Variants in SPATA6L observed in about 807,000 individuals in gnomAD.
SPATA6L encodes spermatogenesis associated 6-like protein.
A neutral mutation model predicts 49.2 loss-of-function variants in SPATA6L; 68 were observed. The observed-to-expected ratio is 1.38, with a 90% CI of 1.14 to 1.69. SPATA6L has a LOEUF of 1.69. SPATA6L is among the 40% of genes most tolerant of loss of function. The pLI, the probability that SPATA6L is intolerant of heterozygous loss-of-function variation, is 0.00. For missense variants in SPATA6L, 668 were observed against 464.3 expected, an observed-to-expected ratio of 1.44 and a Z score of -4.03; for synonymous variants, 198 against 165.7, an observed-to-expected ratio of 1.19 and a Z score of -1.50.
intron 3 of SPATA6L, among the ~76,000 whole-genome samples, chr9:4,647,940 T>C (rs547170012): frequency 4.6e-5 from 7 of 152,076 alleles, no homozygotes; most frequent in Non-Finnish European, 1.5e-5. Context: ...GTTCAAGCGA[T>C]TCTCCTGCCT....
At position 4,663,252 on chromosome 9, in the gene SPATA6L, A is replaced by C. The variant is rs72695803; in HGVS notation, c.40-1216T>G. 1.1e-3 allele frequency: 1,784 copies of C among 1,612,976 alleles called. 2 individuals carry two copies. The highest frequency in any genetic ancestry group is 3.0e-3 in the Middle Eastern group (18 of 6,058). On this transcript the variant is annotated intron_variant, in intron 1 of 11. Transcript: ENST00000682582. ...TGCTCCGGTCCTCTTTTTACTGTGG[A>C]GTCAACGATGACACCATCTCATTGA...
In SPATA6L at chr9:4,599,679, G is replaced by A. The variant is rs903720968; in HGVS notation, c.*1132C>T. Among the ~76,000 whole-genome samples the A allele has an allele frequency of 2.6e-5, 4 of 152,164 alleles. No individual in the cohort carries two copies. Among genetic ancestry groups the A allele is most frequent in the African/African-American group, 7.2e-5 (3 of 41,440 alleles). On this transcript the variant is annotated 3_prime_UTR_variant, in exon 12 of 12. Coordinates refer to ENST00000682582, the MANE Select transcript of SPATA6L (RefSeq NM_001353486.2). ...GATGGCGCCTTCTCGCTGTCTCCTC[G>A]CCAGTGGAAGGGGCAAACGAGCTCC...
At position 4,627,741 on chromosome 9, in the gene SPATA6L, C is replaced by T. The variant is rs1474697120; in HGVS notation, c.429+1350G>A. The T allele has an allele frequency of 3.6e-5, 46 of 1,289,168 alleles. No individual in the cohort carries two copies. In the East Asian group the frequency reaches 3.9e-4, roughly 11 times the overall value. The allele number at this position is 1,289,168 out of a possible 1,614,324, so 79.9% of individuals were successfully genotyped here. ...TAGTACACATGGATGCCCTAAGACG[C>T]TTCACGCTTACCAAAGACGGACCAT... is the stretch of plus-strand genomic sequence containing the variant. On this transcript the variant is annotated intron_variant, in intron 5 of 11. Transcript: ENST00000682582.
intron 1 of SPATA6L, chr9:4,663,293 G>A (rs780020557): frequency 6.3e-7 from 1 of 1,594,094 alleles, no homozygotes; most frequent in South Asian, 1.1e-5. Context: ...GCACCAGGAA[G>A]TCTGAAGGTT....
chr9:4,605,130 C>T (rs889133061), intron 10 of SPATA6L, among the ~76,000 whole-genome samples: 2 of 152,126 alleles, frequency 1.3e-5, no homozygotes, highest in African/African-American at 4.8e-5. Context: ...CCAAGCCCCA[C>T]TGTCTCATCC....
intron 4 of SPATA6L, among the ~76,000 whole-genome samples, chr9:4,629,848 A>G (rs1023205743): frequency 1.4e-5 from 2 of 147,296 alleles, no homozygotes; most frequent in African/African-American, 5.0e-5. Context: ...TACAATTATT[A>G]CAATCATCCT....
intron 4 of SPATA6L, among the ~76,000 whole-genome samples, chr9:4,630,994 C>G (rs745925354): frequency 2.0e-5 from 3 of 152,160 alleles, no homozygotes; most frequent in Non-Finnish European, 4.4e-5. Flanking sequence ...ATGCAGCTGC[C>G]TAATAGATTT....
intron 5 of SPATA6L, chr9:4,627,674 G>A: frequency 4.2e-6 from 5 of 1,187,546 alleles, no homozygotes; most frequent in South Asian, 4.0e-5. Context: ...ATTGGGGTGA[G>A]GGAGGCAGAC....
At position 4,612,637 on chromosome 9, in the gene SPATA6L, T is replaced by C. The variant is rs570720145; in HGVS notation, c.995+5286A>G. On this transcript the variant is annotated intron_variant, in intron 9 of 11. Coordinates refer to ENST00000682582, the MANE Select transcript of SPATA6L (RefSeq NM_001353486.2). Reference sequence around the variant, plus strand: ...TTTGCACCACTGGACATTTTGTCATTATTTGGTTAATGGCGGTCTTTACTC... The same window carrying C: ...TTTGCACCACTGGACATTTTGTCATCATTTGGTTAATGGCGGTCTTTACTC... Among the ~76,000 whole-genome samples the C allele has an allele frequency of 2.0e-5, 3 of 152,370 alleles. No individual in the cohort carries two copies. In the South Asian group the frequency reaches 6.2e-4, roughly 32 times the overall value.
Position 4,606,587 on chromosome 9 carries a change from C to CCTCT in SPATA6L, c.996-1148_996-1147insAGAG, listed in dbSNP as rs1554704911. 1.9e-4 allele frequency among the ~76,000 whole-genome samples: 6 copies of CCTCT among 31,436 alleles called. 2 individuals carry two copies. The highest frequency in any genetic ancestry group is 6.2e-4 in the African/African-American group (6 of 9,684). 20.6% of individuals were successfully genotyped at this position (31,436 alleles called of 152,430 possible). The stretch of plus-strand genomic sequence containing the variant: ...CTCCAACAGACCTGCAGCTGAGGGT[C>CCTCT]CTGTTAGAAGGAAAACTAACAAACA... On this transcript the variant is annotated intron_variant, in intron 9 of 11. Coordinates refer to ENST00000682582, the MANE Select transcript of SPATA6L (RefSeq NM_001353486.2).
downstream of SPATA6L, among the ~76,000 whole-genome samples, chr9:4,596,264 TACA>T (rs1822248846): frequency 6.6e-6 from 1 of 152,144 alleles, no homozygotes; most frequent in Non-Finnish European, 1.5e-5. Context: ...GTTTAACAAA[TACA>T]AGTTGAGTGG....
Position 4,662,080 on chromosome 9 carries a change from T to G in SPATA6L, c.40-44A>C. The G allele has an allele frequency of 6.2e-7, 1 of 1,602,226 alleles. No homozygotes were observed. Among genetic ancestry groups the G allele is most frequent in the Non-Finnish European group, 8.5e-7 (1 of 1,173,882 alleles). Reference sequence around the variant, plus strand: ...AACAAACAAGGGAGAGAAAACAGACTTTGCTTTGTTTTGTTACACGGGGCT... The same window carrying G: ...AACAAACAAGGGAGAGAAAACAGACGTTGCTTTGTTTTGTTACACGGGGCT... On this transcript the variant is annotated intron_variant, in intron 1 of 11. Transcript: ENST00000682582. The surrounding 1 kb of genome is among the most constrained non-coding windows in gnomAD (Gnocchi z 4.9).
At chr9:4,597,543 A>T (rs1018629543), downstream of SPATA6L, among the ~76,000 whole-genome samples, 11 of 152,146 alleles carry the variant, frequency 7.2e-5, no homozygotes, top group Non-Finnish European at 1.3e-4. Context: ...CCTAGACATG[A>T]CCCTGTTTTG....
At position 4,619,829 on chromosome 9, in the gene SPATA6L, A is replaced by C. The variant is rs534201221; in HGVS notation, c.773-931T>G. Among the ~76,000 whole-genome samples, 4 of 152,306 alleles carry C rather than the reference A, an allele frequency of 2.6e-5. No homozygotes were observed. The East Asian group carries it at 7.7e-4, about 29-fold the overall frequency. On this transcript the variant is annotated intron_variant, in intron 7 of 11. Coordinates refer to ENST00000682582, the MANE Select transcript of SPATA6L (RefSeq NM_001353486.2). ...GACCTAATGCCGAAGTATGGCAAGG[A>C]TGACTAGGAAATGAGGTAATAAAGA... is the stretch of plus-strand genomic sequence containing the variant.
chr9:4,638,215 TA>T (rs201518747), intron 3 of SPATA6L, among the ~76,000 whole-genome samples: 2,745 of 152,148 alleles, frequency 0.018, 79 homozygotes, highest in African/African-American at 0.062. Flanking sequence ...TTATTATTAT[TA>T]TTATTATTTT....
intron 5 of SPATA6L, chr9:4,626,561 G>T (rs1246369716): frequency 1.5e-6 from 2 of 1,302,752 alleles, no homozygotes; most frequent in Admixed American, 4.6e-5. Context: ...CAGCCCTAGG[G>T]GTGGAAGCTG....
At position 4,598,437 on chromosome 9, in the gene SPATA6L, C is replaced by G. The variant is rs556541059; in HGVS notation, c.*2374G>C. Among the ~76,000 whole-genome samples, 1 of 151,986 alleles carries G rather than the reference C, an allele frequency of 6.6e-6. No homozygotes were observed. Among genetic ancestry groups the G allele is most frequent in the African/African-American group, 2.4e-5 (1 of 41,434 alleles). On this transcript the variant is annotated 3_prime_UTR_variant, in exon 12 of 12. Coordinates refer to ENST00000682582, the MANE Select transcript of SPATA6L (RefSeq NM_001353486.2). ...AAATACTTCAACTGCAATCCTTGCC[C>G]CAGCATGATTCCTCAAAATTGAGAT... is the stretch of plus-strand genomic sequence containing the variant.
At position 4,625,585 on chromosome 9, in the gene SPATA6L, G is replaced by C; in HGVS notation, c.430-19C>G. ...TTTCTTCCTGAAATAAACAAAAAAA[G>C]AATATTTTTTAAAATAAAGAAAGAA... On this transcript the variant is annotated intron_variant, in intron 5 of 11. Transcript: ENST00000682582. 3 of 1,437,096 alleles carry C rather than the reference G, an allele frequency of 2.1e-6. No homozygotes were observed. Among genetic ancestry groups the C allele is most frequent in the Non-Finnish European group, 2.8e-6 (3 of 1,075,344 alleles). The allele number at this position is 1,437,096 out of a possible 1,614,324, so 89.0% of individuals were successfully genotyped here. A position where few individuals can be genotyped will look rare whatever the true frequency, so the allele number is the denominator to read the frequency against.
At chr9:4,632,829 C>T (rs1051379453) in intron 4 of SPATA6L, among the ~76,000 whole-genome samples, 1 of 152,128 alleles carries the variant, frequency 6.6e-6, no homozygotes, top group Non-Finnish European at 1.5e-5. Context: ...GAGGAAATAC[C>T]TGCCAAAGGA....
Sources: gnomAD v4.1 joint callset for allele counts (sites outside exome capture counted in the v4.1 genomes callset) on GRCh38, gnomAD v4.1.1 for gene constraint, Gnocchi (gnomAD v3.1) non-coding constraint, MANE v1.5 for transcripts, NCBI Gene and HGNC (gene_info 2026-07-23, HGNC 2026-07-21) for gene names.